IFFO2: variants seen among roughly 807,000 people sequenced by gnomAD.
IFFO2 encodes intermediate filament family orphan 2.
Under a neutral mutation model 53.5 loss-of-function variants are expected in IFFO2, and 19 were observed. That is an observed-to-expected ratio of 0.36 (90% CI 0.25 to 0.52). IFFO2 has a LOEUF of 0.52. Among genes scored for constraint, IFFO2 ranks in the 20% least tolerant of loss-of-function variants. The pLI, the probability that IFFO2 is intolerant of heterozygous loss-of-function variation, is 0.94. For missense variants in IFFO2, 570 were observed against 727.4 expected (o/e 0.78, Z 2.49); for synonymous variants, 303 against 313.6 (o/e 0.97, Z 0.36).
intron 1 of IFFO2, among the ~76,000 whole-genome samples, chr1:18,939,601 C>T (rs527551313): frequency 4.3e-4 from 65 of 152,326 alleles, no homozygotes; most frequent in African/African-American, 1.4e-3. Flanking sequence ...CAGATCTTTT[C>T]TGCATGAAGA....
rs1384714243 is a variant in IFFO2, at chr1:18,956,129, C to G, written c.204G>C (p.Leu68=). 2.0e-6 allele frequency: 3 copies of G among 1,508,664 alleles called. No individual in the cohort carries two copies. Among genetic ancestry groups the G allele is most frequent in the Non-Finnish European group, 2.7e-6 (3 of 1,121,642 alleles). The allele number at this position is 1,508,664 out of a possible 1,614,324, so 93.5% of individuals were successfully genotyped here. ...KGLNVRFRCF[L]AKVHELERRN... ...GCCGCTCCAGCTCGTGCACCTTAGC[C>G]AGGAAGCAGCGGAAGCGCACGTTGA... The change falls in exon 1 of 9, where the codon CTG becomes CTC. Residue 68 remains leucine, a synonymous_variant. Transcript: ENST00000455833. This position sits in a 1 kb window ranked among gnomAD's most constrained non-coding sequence, Gnocchi z 6.4.
At chr1:18,922,754 G>A (rs551776805) in intron 1 of IFFO2, among the ~76,000 whole-genome samples, 4 of 152,260 alleles carry the variant, frequency 2.6e-5, no homozygotes, top group African/African-American at 9.6e-5. Flanking sequence ...ATCCAGCCAG[G>A]ACCATCTCAC....
intron 1 of IFFO2, among the ~76,000 whole-genome samples, chr1:18,944,399 G>C (rs1359242043): frequency 6.6e-6 from 1 of 152,086 alleles, no homozygotes; most frequent in Admixed American, 6.5e-5. Flanking sequence ...GCGGGGAGAG[G>C]TAAGGGGAGC....
At chr1:18,941,178 C>T (rs1936515943) in intron 1 of IFFO2, among the ~76,000 whole-genome samples, 1 of 152,224 alleles carries the variant, frequency 6.6e-6, no homozygotes, top group African/African-American at 2.4e-5. Context: ...CACATGTGTG[C>T]GGCTTCAAAC....
At position 18,947,680 on chromosome 1, in the gene IFFO2, G is replaced by T. The variant is rs1018143938; in HGVS notation, c.665+7988C>A. 4.6e-5 allele frequency among the ~76,000 whole-genome samples: 7 copies of T among 152,150 alleles called. No individual in the cohort carries two copies. The highest frequency in any genetic ancestry group is 1.7e-4 in the African/African-American group (7 of 41,418). ...TGCCAGCCCTGCCAGCCCCCATTGA[G>T]ACCTTCTCCAAAGAGCAGGGGCCTG... On this transcript the variant is annotated intron_variant, in intron 1 of 8. Transcript: ENST00000455833. The surrounding 1 kb of genome is among the most constrained non-coding windows in gnomAD (Gnocchi z 5.0).
intron 1 of IFFO2, among the ~76,000 whole-genome samples, chr1:18,952,253 G>C (rs1449933621): frequency 6.6e-6 from 1 of 152,202 alleles, no homozygotes; most frequent in Non-Finnish European, 1.5e-5. Flanking sequence ...CCTCATTGCG[G>C]CTTCAGCGAC....
chr1:18,913,033 T>A (rs575750578), intron 5 of IFFO2, among the ~76,000 whole-genome samples: 1 of 152,236 alleles, frequency 6.6e-6, no homozygotes, highest in Admixed American at 6.5e-5. Flanking sequence ...AGTGCATCGG[T>A]AGCACAGGAC....
At chr1:18,915,235 G>C (rs1250957495) in intron 5 of IFFO2, among the ~76,000 whole-genome samples, 2 of 152,066 alleles carry the variant, frequency 1.3e-5, no homozygotes, top group African/African-American at 4.8e-5. Flanking sequence ...ATGGAATTCT[G>C]AGCCAGCCTC....
intron 1 of IFFO2, among the ~76,000 whole-genome samples, chr1:18,925,537 G>A (rs61759277): frequency 0.01 from 1,533 of 152,306 alleles, 13 homozygotes; most frequent in Non-Finnish European, 0.017. Flanking sequence ...ATCTCGGGAG[G>A]TCTCAGGCAC....
chr1:18,923,990 C>T (rs561217855), intron 1 of IFFO2, among the ~76,000 whole-genome samples: 20 of 152,324 alleles, frequency 1.3e-4, no homozygotes, highest in East Asian at 1.9e-4. Context: ...AATGATTTCA[C>T]GGGCTTTTTA....
rs1020673152 is a variant in IFFO2, at chr1:18,918,401, T to A, written c.924A>T (p.Ala308=). ...IDITAKLCDV[A]QQRNSEDVSK... is the part of the protein sequence containing the mutation. ...ACACGTCTTCTGAGTTCCGCTGCTG[T>A]GCGACATCGCACAGCTTGGCCGTGA... The change falls in exon 4 of 9, where the codon GCA becomes GCT. Residue 308 remains alanine (A), a synonymous_variant. Coordinates refer to ENST00000455833, the MANE Select transcript of IFFO2 (RefSeq NM_001136265.2). This position sits in a 1 kb window ranked among gnomAD's most constrained non-coding sequence, Gnocchi z 5.2. The A allele has an allele frequency of 6.4e-7, 1 of 1,554,206 alleles. No individual in the cohort carries two copies. The highest frequency in any genetic ancestry group is 1.9e-5 in the Admixed American group (1 of 51,296).
At chr1:18,925,506 C>A (rs758097580) in intron 1 of IFFO2, among the ~76,000 whole-genome samples, 2 of 152,176 alleles carry the variant, frequency 1.3e-5, no homozygotes, top group South Asian at 2.1e-4. Flanking sequence ...CCTTCCCCAC[C>A]GCCACCGGGG....
intron 1 of IFFO2, among the ~76,000 whole-genome samples, chr1:18,952,228 G>T (rs550364649): frequency 6.6e-6 from 1 of 152,166 alleles, no homozygotes; most frequent in Non-Finnish European, 1.5e-5. Context: ...CCAAATCAAC[G>T]CTTGACAACC....
At chr1:18,950,749 G>T (rs1273059255) in intron 1 of IFFO2, among the ~76,000 whole-genome samples, 1 of 152,176 alleles carries the variant, frequency 6.6e-6, no homozygotes, top group African/African-American at 2.4e-5. Flanking sequence ...ACCTGCTTGA[G>T]GGCCCCCCTG....
intron 1 of IFFO2, among the ~76,000 whole-genome samples, chr1:18,951,106 C>A (rs1470571068): frequency 6.6e-6 from 1 of 152,202 alleles, no homozygotes. Context: ...AATGAAAGTA[C>A]TCAGCTGAAT....
At chr1:18,911,035 C>T (rs1231410557) in intron 7 of IFFO2, among the ~76,000 whole-genome samples, 2 of 152,246 alleles carry the variant, frequency 1.3e-5, no homozygotes, top group African/African-American at 2.4e-5. Flanking sequence ...AAGGGGTGCA[C>T]GGTGCCTACT....
At chr1:18,937,180 G>GAA (rs1418071363) in intron 1 of IFFO2, among the ~76,000 whole-genome samples, 2 of 152,162 alleles carry the variant, frequency 1.3e-5, no homozygotes, top group Non-Finnish European at 2.9e-5. Flanking sequence ...AGGGAGGAGG[G>GAA]AAGAGTGACA....
In IFFO2 at chr1:18,956,193, C is replaced by A. The variant is rs1039260410; in HGVS notation, c.140G>T (p.Arg47Leu). The A allele has an allele frequency of 5.6e-6, 8 of 1,438,710 alleles. No homozygotes were observed. Among genetic ancestry groups the A allele is most frequent in the Non-Finnish European group, 7.4e-6 (8 of 1,080,532 alleles). The allele number at this position is 1,438,710 out of a possible 1,614,324, so 89.1% of individuals were successfully genotyped here. The change falls in exon 1 of 9, where the codon CGG becomes CTG. Residue 47 changes from arginine (R) to leucine (L), a missense_variant. Transcript: ENST00000455833. This position sits in a 1 kb window ranked among gnomAD's most constrained non-coding sequence, Gnocchi z 6.4. Reference protein sequence around the residue: ...PGPSPVTAALRDDLGSNIHLL... With the variant: ...PGPSPVTAALLDDLGSNIHLL... ...GTGGATGTTGGAGCCCAGGTCGTCC[C>A]GCAGCGCCGCCGTCACCGGCGACGG... is the stretch of plus-strand genomic sequence containing the variant.
intron 7 of IFFO2, among the ~76,000 whole-genome samples, chr1:18,911,110 T>C (rs1271946469): frequency 6.6e-6 from 1 of 151,390 alleles, no homozygotes; most frequent in African/African-American, 2.5e-5. Context: ...ATCACTCGAA[T>C]GTCAGCTCTG....
Sources: gnomAD v4.1 joint callset for allele counts (sites outside exome capture counted in the v4.1 genomes callset) on GRCh38, gnomAD v4.1.1 for gene constraint, Gnocchi (gnomAD v3.1) non-coding constraint, MANE v1.5 for transcripts, NCBI Gene and HGNC (gene_info 2026-07-23, HGNC 2026-07-21) for gene names.